The following RABL2A variants were observed in gnomAD, a reference collection of about 807,000 sequenced individuals.
RABL2A encodes the protein rab-like protein 2A.
RABL2A carries 17 observed loss-of-function variants against 30.7 expected under a neutral mutation model. That is an observed-to-expected ratio of 0.55 (90% CI 0.38 to 0.83). RABL2A has a LOEUF of 0.83. RABL2A is among the 40% of genes least tolerant of loss of function. The probability of loss-of-function intolerance (pLI) is 0.00; values close to 1 mark genes in which losing one functional copy is unlikely to be tolerated. For missense variants in RABL2A, 155 were observed against 272.6 expected (o/e 0.57, Z 3.04); for synonymous variants, 64 against 101.8 (o/e 0.63, Z 2.24).
At chr2:113,637,694 G>A in intron 5 of RABL2A, 1 of 1,281,694 alleles carries the variant, frequency 7.8e-7, no homozygotes, top group Non-Finnish European at 1.0e-6. Flanking sequence ...TGGGGGCAGT[G>A]TAGTGCAGAA....
In RABL2A at chr2:113,628,714, G is replaced by C. The variant is rs749181413; in HGVS notation, c.107+1G>C. ...GAGACAGCGCAGTGGGCAAATCCAA[G>C]TATGTTGGGAGATTAGGGAATAAAT... On this transcript the variant is annotated splice_donor_variant, in intron 2 of 8. Transcript: ENST00000683472. LOFTEE classifies it high-confidence loss of function. 2.0e-6 allele frequency: 3 copies of C among 1,500,300 alleles called. No individual in the cohort carries two copies. The highest frequency in any genetic ancestry group is 1.9e-5 in the Admixed American group (1 of 53,362). The allele number at this position is 1,500,300 out of a possible 1,614,324, so 92.9% of individuals were successfully genotyped here.
intron 2 of RABL2A, among the ~76,000 whole-genome samples, chr2:113,630,885 T>C (rs1680060375): frequency 6.6e-6 from 1 of 151,188 alleles, no homozygotes; most frequent in Admixed American, 6.6e-5. Flanking sequence ...TAACAAGACA[T>C]GGTGTTTTTT....
intron 2 of RABL2A, among the ~76,000 whole-genome samples, chr2:113,629,422 A>G (rs1679386342): frequency 1.3e-5 from 2 of 152,044 alleles, no homozygotes; most frequent in Admixed American, 6.5e-5. Flanking sequence ...AGCTGTGAAT[A>G]ATTCTCTGGG....
In RABL2A at chr2:113,631,454, C is replaced by T. The variant is rs1405090641; in HGVS notation, c.108-1461C>T. 3.9e-5 allele frequency among the ~76,000 whole-genome samples: 6 copies of T among 152,260 alleles called. No homozygotes were observed. In the South Asian group the frequency reaches 1.0e-3, roughly 26 times the overall value. On this transcript the variant is annotated intron_variant, in intron 2 of 8. Transcript: ENST00000683472. ...CATGTGACTCCCTGGGTCCCAAGCT[C>T]TCATTATCCTGAGGGAGTTGTGCTT... is the stretch of plus-strand genomic sequence containing the variant.
intron 6 of RABL2A, 59 bp downstream of exon 6, chr2:113,641,064 TTCC>T: frequency 6.6e-7 from 1 of 1,521,042 alleles, no homozygotes; most frequent in African/African-American, 1.4e-5. Context: ...CCTCATACAT[TTCC>T]TCCTCCATTC....
intron 5 of RABL2A, chr2:113,638,497 A>C: frequency 1.0e-6 from 1 of 985,374 alleles, no homozygotes; most frequent in Middle Eastern, 5.2e-4. Context: ...TCACTGTAGC[A>C]GCAGCTCAGT....
intron 5 of RABL2A, among the ~76,000 whole-genome samples, chr2:113,636,110 A>G (rs1168936202): frequency 6.6e-6 from 1 of 151,558 alleles, no homozygotes; most frequent in Non-Finnish European, 1.5e-5. Flanking sequence ...CTCCATCTAA[A>G]AAAAACCCAC....
rs1289264623 is a variant in RABL2A, at chr2:113,638,838, G to A, written c.298-2056G>A. ...GAGGTGGAGGTTGCAGTGGCAGTGA[G>A]CCAAGATACCGCCACTGCACTCTAG... On this transcript the variant is annotated intron_variant, in intron 5 of 8. Coordinates refer to ENST00000683472, the MANE Select transcript of RABL2A (RefSeq NM_001306158.2). 5.9e-5 allele frequency among the ~76,000 whole-genome samples: 9 copies of A among 152,066 alleles called. No homozygotes were observed. In the East Asian group the frequency reaches 1.7e-3, roughly 29 times the overall value.
At chr2:113,641,301 C>A in intron 6 of RABL2A, 52 bp from the exon 7 acceptor site, 1 of 1,612,908 alleles carries the variant, frequency 6.2e-7, no homozygotes, top group South Asian at 1.1e-5. Flanking sequence ...GCCCCCCCTC[C>A]AAACCTTCTT....
intron 2 of RABL2A, among the ~76,000 whole-genome samples, chr2:113,632,558 G>T (rs1360011984): frequency 3.3e-5 from 5 of 152,248 alleles, no homozygotes; most frequent in Non-Finnish European, 5.9e-5. Context: ...GAGCCACCGC[G>T]CCCGACCGGG....
intron 6 of RABL2A, 162 bp from the exon 7 acceptor site, chr2:113,641,191 C>T (rs1685002640): frequency 1.7e-6 from 2 of 1,205,250 alleles, no homozygotes; most frequent in Non-Finnish European, 2.3e-6. Flanking sequence ...CCGACCTGCC[C>T]TCTTTCCAAG....
chr2:113,640,008 A>C (rs1410065730), intron 5 of RABL2A: 1 of 152,062 alleles, frequency 6.6e-6, no homozygotes, highest in Non-Finnish European at 1.5e-5. Flanking sequence ...AAAATAATAA[A>C]AAAATAAAAA....
chr2:113,636,935 G>A (rs1482280995), intron 5 of RABL2A, among the ~76,000 whole-genome samples: 1 of 151,610 alleles, frequency 6.6e-6, no homozygotes, highest in African/African-American at 2.4e-5. Context: ...CTTGCAGTGA[G>A]CCGAGATCGC....
At chr2:113,641,651 G>T in intron 7 of RABL2A, 130 bp from the exon 8 acceptor site, 2 of 647,694 alleles carry the variant, frequency 3.1e-6, no homozygotes, top group Non-Finnish European at 5.4e-6. Context: ...GGGTGACGGG[G>T]AGAGGCAAAT....
At chr2:113,641,248 T>A in intron 6 of RABL2A, 105 bp from the exon 7 acceptor site, 1 of 1,563,570 alleles carries the variant, frequency 6.4e-7, no homozygotes, top group African/African-American at 1.4e-5. Context: ...TGTTTCCCAA[T>A]CATCCCTGCC....
chr2:113,637,378 C>T, intron 5 of RABL2A: 1 of 1,030,214 alleles, frequency 9.7e-7, no homozygotes, highest in Non-Finnish European at 1.2e-6. Context: ...TGTGCTCCTG[C>T]ACCACTGATC....
intron 2 of RABL2A, among the ~76,000 whole-genome samples, chr2:113,631,825 C>G (rs1422755284): frequency 6.6e-6 from 1 of 151,766 alleles, no homozygotes; most frequent in South Asian, 2.1e-4. Flanking sequence ...AGCATGTGCC[C>G]TCTCAAGACA....
rs1685759250 is a variant in RABL2A at position 113,643,235 on chromosome 2, AGAG to A, written c.*1110_*1112del. 1 of 427,476 alleles carries A rather than the reference AGAG, an allele frequency of 2.3e-6. No individual in the cohort carries two copies. Among genetic ancestry groups the A allele is most frequent in the Admixed American group, 2.8e-5 (1 of 36,074 alleles). The allele number at this position is 427,476 out of a possible 1,614,324, so 26.5% of individuals were successfully genotyped here. On this transcript the variant is annotated 3_prime_UTR_variant, in exon 9 of 9. Transcript: ENST00000683472. ...CTCCTGTGGGAGGCTGAGGACTGCA[AGAG>A]GAGAGCTAGCAGATATGCCTGTTCA...
At chr2:113,634,616 C>A in intron 4 of RABL2A, 1 of 408,826 alleles carries the variant, frequency 2.4e-6, no homozygotes, top group South Asian at 2.3e-5. Flanking sequence ...ACATTATCTC[C>A]CACATCGGGC....
Sources: gnomAD v4.1 joint callset for allele counts (sites outside exome capture counted in the v4.1 genomes callset) on GRCh38, gnomAD v4.1.1 for gene constraint, MANE v1.5 for transcripts, NCBI Gene and HGNC (gene_info 2026-07-23, HGNC 2026-07-21) for gene names.